Variants in GLS observed in about 807,000 individuals in gnomAD.
The protein encoded by GLS is glutaminase kidney isoform, mitochondrial.
GLS carries 36 observed loss-of-function variants against 86.7 expected under a neutral mutation model. That is an observed-to-expected ratio of 0.42 (90% CI 0.32 to 0.55). The LOEUF (loss-of-function observed/expected upper bound fraction) is 0.55. Among genes scored for constraint, GLS ranks in the 20% least tolerant of loss-of-function variants. The pLI, the probability that GLS is intolerant of heterozygous loss-of-function variation, is 0.17. For missense variants in GLS, 528 were observed against 833.4 expected, an observed-to-expected ratio of 0.63 and a Z score of 4.51; for synonymous variants, 317 against 305.9, an observed-to-expected ratio of 1.04 and a Z score of -0.38.
At chr2:190,958,260 TTC>T in intron 17 of GLS, among the ~76,000 whole-genome samples, 1 of 152,220 alleles carries the variant, frequency 6.6e-6, no homozygotes, top group Non-Finnish European at 1.5e-5. Context: ...TAGTTTGTAT[TTC>T]TGTGGGATCA....
chr2:190,939,204 G>C (rs764836472), intron 14 of GLS, among the ~76,000 whole-genome samples: 1 of 151,594 alleles, frequency 6.6e-6, no homozygotes, highest in Admixed American at 6.6e-5. Context: ...TATTTACTCT[G>C]TCTATAGTAC....
At chr2:190,960,948 T>C (rs1319214559) in intron 17 of GLS, among the ~76,000 whole-genome samples, 1 of 152,194 alleles carries the variant, frequency 6.6e-6, no homozygotes, top group African/African-American at 2.4e-5. Context: ...AAGCAAAAAA[T>C]TGAAGAGCAT....
In GLS at chr2:190,881,348, G is replaced by C; in HGVS notation, c.264G>C (p.Thr88=). 6.5e-7 allele frequency: 1 copy of C among 1,536,412 alleles called. No homozygotes were observed. The highest frequency in any genetic ancestry group is 2.0e-5 in the Admixed American group (1 of 50,404). Residue 88 remains threonine (T), a synonymous_variant, in exon 1 of 18, where the codon ACG becomes ACC. Coordinates refer to ENST00000320717, the MANE Select transcript of GLS (RefSeq NM_014905.5). ...TGCAGGAGCTGGGCAAGGGGAGCAC[G>C]CATCCGCAGCCCGGGGTGTCGCCAC... ...EILQELGKGS[T]HPQPGVSPPA...
Position 190,920,036 on chromosome 2 carries a change from A to T in GLS, c.1039-988A>T, listed in dbSNP as rs1228443264. 6.6e-6 allele frequency: 1 copy of T among 151,970 alleles called. No individual in the cohort carries two copies. The highest frequency in any genetic ancestry group is 1.5e-5 in the Non-Finnish European group (1 of 67,818). The allele number at this position is 151,970 out of a possible 1,614,324, so 9.4% of individuals were successfully genotyped here. On this transcript the variant is annotated intron_variant, in intron 7 of 17. Transcript: ENST00000320717. This position sits in a 1 kb window ranked among gnomAD's most constrained non-coding sequence, Gnocchi z 4.2. ...ATTCAATTAAATAATTCTCTGGTAC[A>T]GGTTTTCCTCCCATAATATTTTAAA...
At chr2:190,946,031 G>A (rs1045631389) in intron 14 of GLS, among the ~76,000 whole-genome samples, 1 of 152,094 alleles carries the variant, frequency 6.6e-6, no homozygotes, top group Non-Finnish European at 1.5e-5. Flanking sequence ...TCTTTGGAAA[G>A]CTTAGGAATA....
chr2:190,909,404 C>G (rs540483367), intron 6 of GLS, among the ~76,000 whole-genome samples: 2 of 152,228 alleles, frequency 1.3e-5, no homozygotes, highest in South Asian at 2.1e-4. Flanking sequence ...AAATAGATCT[C>G]TTGAACTTAT....
intron 1 of GLS, among the ~76,000 whole-genome samples, chr2:190,891,884 A>G (rs1474238847): frequency 2.0e-5 from 3 of 152,130 alleles, no homozygotes; most frequent in African/African-American, 7.2e-5. Flanking sequence ...CACTAAGTGA[A>G]TGCTTACTTT....
Position 190,921,771 on chromosome 2 carries a change from C to G in GLS, c.1130+568C>G, listed in dbSNP as rs1433464693. Among the ~76,000 whole-genome samples the G allele has an allele frequency of 2.0e-5, 3 of 151,988 alleles. No individual in the cohort carries two copies. Among genetic ancestry groups the G allele is most frequent in the Non-Finnish European group, 4.4e-5 (3 of 67,888 alleles). On this transcript the variant is annotated intron_variant, in intron 9 of 17. Coordinates refer to ENST00000320717, the MANE Select transcript of GLS (RefSeq NM_014905.5). The surrounding 1 kb of genome is among the most constrained non-coding windows in gnomAD (Gnocchi z 4.2). ...GTCTAAGAATAAGGACATTCTCCTA[C>G]ATAACCACAATACCATTAACACATG...
At chr2:190,952,822 T>C (rs1690753372) in intron 14 of GLS, among the ~76,000 whole-genome samples, 1 of 152,234 alleles carries the variant, frequency 6.6e-6, no homozygotes, top group African/African-American at 2.4e-5. Context: ...ATAAAGTCTT[T>C]ATGAAAGCAG....
At chr2:190,890,297 C>T (rs1015450869) in intron 1 of GLS, among the ~76,000 whole-genome samples, 3 of 152,036 alleles carry the variant, frequency 2.0e-5, no homozygotes, top group Non-Finnish European at 4.4e-5. Context: ...AGTCCTCTTG[C>T]CTCAGTCTCC....
At chr2:190,934,414 A>C in intron 14 of GLS, 1 of 947,354 alleles carries the variant, frequency 1.1e-6, no homozygotes, top group African/African-American at 1.8e-5. Flanking sequence ...AAATAATTAT[A>C]TTTTAAGTTG....
Position 190,880,898 on chromosome 2 carries a change from C to T in GLS, c.-187C>T. On this transcript the variant is annotated 5_prime_UTR_variant, in exon 1 of 18. Transcript: ENST00000320717. ...GCAGCAGCAGCAGCAGCAGCAGCAG[C>T]AGCAGCAGCAGCAGCAGCAGCACCC... 1.2e-6 allele frequency: 1 copy of T among 860,822 alleles called. No homozygotes were observed. The highest frequency in any genetic ancestry group is 3.4e-5 in the East Asian group (1 of 29,548). 53.3% of individuals were successfully genotyped at this position (860,822 alleles called of 1,614,324 possible). A position where few individuals can be genotyped will look rare whatever the true frequency, so the allele number is the denominator to read the frequency against.
rs953257141 is a variant in GLS, at chr2:190,880,850, A to G, written c.-235A>G. The G allele has an allele frequency of 1.7e-4, 136 of 807,286 alleles. 6 individuals are homozygous for G. The Middle Eastern group carries it at 1.7e-3, about 10-fold the overall frequency. The allele number at this position is 807,286 out of a possible 1,614,324, so 50.0% of individuals were successfully genotyped here. ...CGGAGCCTTAGGCGGAGCGAAGAGA[A>G]CCGGTCGCGGCAATCCTAGCGCGCA... On this transcript the variant is annotated 5_prime_UTR_variant, in exon 1 of 18. Transcript: ENST00000320717.
At position 190,953,957 on chromosome 2, in the gene GLS, T is replaced by C. The variant is rs1331776501; in HGVS notation, c.1712+331T>C. Among the ~76,000 whole-genome samples the C allele has an allele frequency of 1.5e-5, 1 of 67,874 alleles. No individual in the cohort carries two copies. The highest frequency in any genetic ancestry group is 3.7e-5 in the Non-Finnish European group (1 of 27,232). The allele number at this position is 67,874 out of a possible 152,430, so 44.5% of individuals were successfully genotyped here. ...CCATTCCCAATCTTTGATATGTGTG[T>C]GTGTGTGTGTGTGTGTGTGTGTGTG... On this transcript the variant is annotated intron_variant, in intron 15 of 17. Coordinates refer to ENST00000320717, the MANE Select transcript of GLS (RefSeq NM_014905.5). This position sits in a 1 kb window ranked among gnomAD's most constrained non-coding sequence, Gnocchi z 4.0.
chr2:190,882,921 A>T (rs1688252566), intron 1 of GLS, among the ~76,000 whole-genome samples: 1 of 152,228 alleles, frequency 6.6e-6, no homozygotes, highest in Non-Finnish European at 1.5e-5. Context: ...TTACTTTAAC[A>T]TCATCCGGTT....
intron 3 of GLS, among the ~76,000 whole-genome samples, chr2:190,899,620 T>C (rs895863715): frequency 9.9e-5 from 15 of 152,128 alleles, no homozygotes; most frequent in African/African-American, 3.1e-4. Flanking sequence ...ACACCGTGTT[T>C]AGCAAGTCTT....
rs750222586 is a variant in GLS, at chr2:190,895,166, G to T, written c.401G>T (p.Gly134Val). ...VASGENKIKQ[G>V]LLPSLEDLLF... Reference sequence around the variant, plus strand: ...TACCTCTTTAGTAAAATAAAACAGGGTCTGTTACCTAGCTTGGAAGATTTG... The same window carrying T: ...TACCTCTTTAGTAAAATAAAACAGGTTCTGTTACCTAGCTTGGAAGATTTG... Residue 134 changes from glycine to valine, a missense_variant, in exon 2 of 18, where the codon GGT becomes GTT. Gly to Val is a moderately radical substitution (Grantham distance 109). Coordinates refer to ENST00000320717, the MANE Select transcript of GLS (RefSeq NM_014905.5). The surrounding 1 kb of genome is among the most constrained non-coding windows in gnomAD (Gnocchi z 4.2). The T allele has an allele frequency of 1.7e-5, 25 of 1,491,906 alleles. No individual in the cohort carries two copies. In the East Asian group the frequency reaches 4.5e-4, roughly 27 times the overall value. The allele number at this position is 1,491,906 out of a possible 1,614,324, so 92.4% of individuals were successfully genotyped here.
chr2:190,927,197 T>C lies in GLS; in HGVS notation c.1249-109T>C, dbSNP rs1689925702. On this transcript the variant is annotated intron_variant, in intron 11 of 17. Coordinates refer to ENST00000320717, the MANE Select transcript of GLS (RefSeq NM_014905.5). ...CAAGTTTATATTAAAGTAATCTCTT[T>C]GGAAGAAATATTTCAGATCTGTATG... The C allele has an allele frequency of 6.9e-6, 6 of 873,044 alleles. No homozygotes were observed. In the Admixed American group the frequency reaches 1.7e-4, roughly 25 times the overall value. 54.1% of individuals were successfully genotyped at this position (873,044 alleles called of 1,614,324 possible). A position where few individuals can be genotyped will look rare whatever the true frequency, so the allele number is the denominator to read the frequency against.
At chr2:190,919,679 TA>T in intron 7 of GLS, 2 of 852,084 alleles carry the variant, frequency 2.3e-6, no homozygotes, top group Non-Finnish European at 2.8e-6. Context: ...ATGAAGTTGG[TA>T]ATTTCTTCTT....
Sources: gnomAD v4.1 joint callset for allele counts (sites outside exome capture counted in the v4.1 genomes callset) on GRCh38, gnomAD v4.1.1 for gene constraint, Gnocchi (gnomAD v3.1) non-coding constraint, MANE v1.5 for transcripts, NCBI Gene and HGNC (gene_info 2026-07-23, HGNC 2026-07-21) for gene names.